HLA-F: variants seen among roughly 807,000 people sequenced by gnomAD.
HLA-F encodes the protein HLA class I histocompatibility antigen, alpha chain F.
Under a neutral mutation model 49.5 loss-of-function variants are expected in HLA-F, and 46 were observed. That is an observed-to-expected ratio of 0.93 (90% confidence interval 0.73 to 1.19). The LOEUF (loss-of-function observed/expected upper bound fraction) is 1.19. HLA-F is among the 50% of genes most tolerant of loss of function. HLA-F has a pLI of 0.00. For missense variants in HLA-F, 496 were observed against 579.6 expected, an observed-to-expected ratio of 0.86 and a Z score of 1.48; for synonymous variants, 203 against 233.5, an observed-to-expected ratio of 0.87 and a Z score of 1.19.
At chr6:29,724,024 G>C in intron 2 of HLA-F, 97 bp downstream of exon 2, 2 of 1,547,562 alleles carry the variant, frequency 1.3e-6, no homozygotes, top group Non-Finnish European at 1.7e-6. Flanking sequence ...AATCTACCCC[G>C]AGGCAGCGGG....
chr6:29,730,522 A>C (rs1292386866), downstream of HLA-F, among the ~76,000 whole-genome samples: 1 of 152,152 alleles, frequency 6.6e-6, no homozygotes, highest in Non-Finnish European at 1.5e-5. Flanking sequence ...TGTACACTGA[A>C]AAAGTGGTTA....
rs369106559 is a variant in HLA-F at position 29,723,630 on chromosome 6, G to T, written c.65-28G>T. 2,636 of 1,604,642 alleles carry T rather than the reference G, an allele frequency of 1.6e-3. 5 individuals are homozygous for T. The highest frequency in any genetic ancestry group is 2.0e-3 in the Non-Finnish European group (2,410 of 1,175,676). ...GGAGCCGCCTCCGGAGGAGGGTCTG[G>T]CGGGTCTCAGCCCCTCCTCGCCCCC... On this transcript the variant is annotated intron_variant, in intron 1 of 6. Transcript: ENST00000259951.
Position 29,724,211 on chromosome 6 carries a change from G to A in HLA-F, c.373G>A (p.Gly125Arg). The A allele has an allele frequency of 6.2e-7, 1 of 1,613,186 alleles. No individual in the cohort carries two copies. Among genetic ancestry groups the A allele is most frequent in the Non-Finnish European group, 8.5e-7 (1 of 1,180,040 alleles). The change falls in exon 3 of 7, where the codon GGG becomes AGG. Residue 125 changes from glycine to arginine, a missense_variant. Coordinates refer to ENST00000259951, the MANE Select transcript of HLA-F (RefSeq NM_001098479.2). Reference protein sequence around the residue: ...TLQGMNGCDMGPDGRLLRGYH... With the variant: ...TLQGMNGCDMRPDGRLLRGYH... ...CCAGGGAATGAATGGCTGCGACATG[G>A]GGCCCGACGGACGCCTCCTCCGCGG...
In HLA-F at chr6:29,726,968, C is replaced by T. The variant is rs1370808961; in HGVS notation, c.1122C>T (p.Gly374=). ...GGGTGCTCTTCCAAGGATATTTGGG[C>T]TGCCTCCGGAGTCACAGTGTCTTGG... The part of the protein sequence containing the change: ...LLGVLFQGYL[G]CLRSHSVLGR... The change falls in exon 7 of 7, where the codon GGC becomes GGT. Residue 374 remains glycine (G), a synonymous_variant. Transcript: ENST00000259951. 1 of 1,612,868 alleles carries T rather than the reference C, an allele frequency of 6.2e-7. No homozygotes were observed. The highest frequency in any genetic ancestry group is 1.7e-5 in the Admixed American group (1 of 60,024).
intron 1 of HLA-F, 55 bp downstream of exon 1, chr6:29,723,582 C>T: frequency 6.3e-7 from 1 of 1,597,434 alleles, no homozygotes; most frequent in South Asian, 1.1e-5. Context: ...GAGGGGCCCG[C>T]CCGGTGGGGG....
Position 29,723,942 on chromosome 6 carries a change from C to T in HLA-F, c.334+15C>T, listed in dbSNP as rs1321714253. 3 of 1,582,818 alleles carry T rather than the reference C, an allele frequency of 1.9e-6. No individual in the cohort carries two copies. The highest frequency in any genetic ancestry group is 2.7e-5 in the African/African-American group (2 of 73,980). ...GAGCGAGGCTGGTGAGTGAACCCGG[C>T]CGGGGGCGCAGGTCACGACCACCCC... On this transcript the variant is annotated intron_variant, in intron 2 of 6. Coordinates refer to ENST00000259951, the MANE Select transcript of HLA-F (RefSeq NM_001098479.2).
At position 29,724,331 on chromosome 6, in the gene HLA-F, C is replaced by A; in HGVS notation, c.493C>A (p.Gln165Lys). ...TAADTVAQIT[Q>K]RFYEAEEYAE... ...GGCGGACACCGTGGCTCAGATCACCCAGCGCTTCTATGAGGCAGAGGAATA... is the reference window on the plus strand; with the variant it reads ...GGCGGACACCGTGGCTCAGATCACCAAGCGCTTCTATGAGGCAGAGGAATA... The change falls in exon 3 of 7, where the codon CAG (glutamine) becomes AAG (lysine). Residue 165 changes from glutamine to lysine, a missense_variant. Coordinates refer to ENST00000259951, the MANE Select transcript of HLA-F (RefSeq NM_001098479.2). 1.2e-6 allele frequency: 2 copies of A among 1,613,236 alleles called. No individual in the cohort carries two copies. The highest frequency in any genetic ancestry group is 1.7e-6 in the Non-Finnish European group (2 of 1,180,048).
intron 3 of HLA-F, chr6:29,736,396 C>T (rs1440710234): frequency 2.2e-6 from 1 of 453,480 alleles, no homozygotes; most frequent in Non-Finnish European, 4.4e-6. Context: ...AATAATTGGA[C>T]TAATTTTTTC....
At chr6:29,732,368 G>C (rs1048157284) in intron 3 of HLA-F, among the ~76,000 whole-genome samples, 2 of 152,192 alleles carry the variant, frequency 1.3e-5, no homozygotes, top group African/African-American at 4.8e-5. Flanking sequence ...GATGAAAGCA[G>C]ATGGATCTAA....
At chr6:29,725,903 GTTACAC>G in intron 5 of HLA-F, 102 bp from the exon 6 acceptor site, 1 of 1,230,652 alleles carries the variant, frequency 8.1e-7, no homozygotes, top group Non-Finnish European at 1.2e-6. Flanking sequence ...TGGATCTACA[GTTACAC>G]TTTTCTGGAA....
In HLA-F at chr6:29,723,690, G is replaced by T. The variant is rs1049243043; in HGVS notation, c.97G>T (p.Val33Leu). The T allele has an allele frequency of 1.2e-6, 2 of 1,611,222 alleles. No individual in the cohort carries two copies. The highest frequency in any genetic ancestry group is 2.7e-5 in the African/African-American group (2 of 74,928). The change falls in exon 2 of 7, where the codon GTG becomes TTG. Residue 33 changes from valine (V) to leucine (L), a missense_variant. Transcript: ENST00000259951. ...SHSLRYFSTA[V>L]SRPGRGEPRY... ...CTCCTTGAGGTATTTCAGCACCGCT[G>T]TGTCGCGGCCCGGCCGCGGGGAGCC...
chr6:29,726,268 G>C, intron 6 of HLA-F: 1 of 981,140 alleles, frequency 1.0e-6, no homozygotes, highest in South Asian at 1.3e-5. Context: ...GTGGGGTGTT[G>C]GGGGGGAACA....
In HLA-F at chr6:29,724,235, G is replaced by T. The variant is rs779376522; in HGVS notation, c.397G>T (p.Gly133Trp). 1.2e-6 allele frequency: 2 copies of T among 1,613,220 alleles called. No homozygotes were observed. The highest frequency in any genetic ancestry group is 1.7e-5 in the Admixed American group (1 of 60,030). Residue 133 changes from glycine to tryptophan, a missense_variant, in exon 3 of 7, where the codon GGG (glycine) becomes TGG (tryptophan). Gly to Trp is a radical substitution (Grantham distance 184, BLOSUM62 -2). Coordinates refer to ENST00000259951, the MANE Select transcript of HLA-F (RefSeq NM_001098479.2). ...DMGPDGRLLR[G>W]YHQHAYDGKD... is the part of the protein sequence containing the mutation. Reference sequence around the variant, plus strand: ...GGGGCCCGACGGACGCCTCCTCCGCGGGTATCACCAGCACGCGTACGACGG... The same window carrying T: ...GGGGCCCGACGGACGCCTCCTCCGCTGGTATCACCAGCACGCGTACGACGG...
chr6:29,724,360 A>C lies in HLA-F; in HGVS notation c.522A>C (p.Ala174=). 2 of 1,613,202 alleles carry C rather than the reference A, an allele frequency of 1.2e-6. No individual in the cohort carries two copies. The highest frequency in any genetic ancestry group is 1.7e-6 in the Non-Finnish European group (2 of 1,180,026). ...GCTTCTATGAGGCAGAGGAATATGC[A>C]GAGGAGTTCAGGACCTACCTGGAGG... The part of the protein sequence containing the change: ...TQRFYEAEEY[A]EEFRTYLEGE... The change falls in exon 3 of 7, where the codon GCA becomes GCC. Residue 174 remains alanine (A), a synonymous_variant. Transcript: ENST00000259951.
chr6:29,723,468 C>T lies in HLA-F; in HGVS notation c.5C>T (p.Ala2Val), dbSNP rs752087180. The T allele has an allele frequency of 4.3e-6, 7 of 1,613,432 alleles. No homozygotes were observed. The African/African-American group carries it at 6.7e-5, about 15-fold the overall frequency. Residue 2 changes from alanine to valine, a missense_variant, in exon 1 of 7, where the codon GCG becomes GTG. By Grantham distance (64) the Ala-to-Val change is moderately conservative. Coordinates refer to ENST00000259951, the MANE Select transcript of HLA-F (RefSeq NM_001098479.2). ...CCAGACGCGGAGGTTGGGGTCATGG[C>T]GCCCCGAAGCCTCCTCCTGCTGCTC... M[A>V]PRSLLLLLSG... is the part of the protein sequence containing the mutation.
chr6:29,728,309 G>GCTCC (rs1776296885), downstream of HLA-F: 1 of 353,980 alleles, frequency 2.8e-6, no homozygotes, highest in Non-Finnish European at 5.6e-6. Flanking sequence ...CTTCCCTGGA[G>GCTCC]CTCCATCTGT....
intron 5 of HLA-F, 142 bp downstream of exon 5, chr6:29,725,705 C>T: frequency 1.3e-6 from 1 of 751,958 alleles, no homozygotes; most frequent in Non-Finnish European, 2.3e-6. Context: ...TGTGTGCCAG[C>T]ACCTACTCAT....
chr6:29,730,611 C>G (rs948593017), downstream of HLA-F, among the ~76,000 whole-genome samples: 1 of 152,080 alleles, frequency 6.6e-6, no homozygotes, highest in African/African-American at 2.4e-5. Flanking sequence ...ACTTTTCACT[C>G]CTCTCCTGCC....
chr6:29,726,436 C>A, intron 6 of HLA-F: 1 of 1,611,014 alleles, frequency 6.2e-7, no homozygotes, highest in Non-Finnish European at 8.5e-7. Context: ...GACTGAGAAG[C>A]AAGATATCAA....
Sources: gnomAD v4.1 joint callset for allele counts (sites outside exome capture counted in the v4.1 genomes callset) on GRCh38, gnomAD v4.1.1 for gene constraint, MANE v1.5 for transcripts, NCBI Gene and HGNC (gene_info 2026-07-23, HGNC 2026-07-21) for gene names.